The following NCKAP5 variants were observed in gnomAD, a reference collection of about 807,000 sequenced individuals.
NCKAP5 encodes the protein NCK associated protein 5.
A neutral mutation model predicts 167.0 loss-of-function variants in NCKAP5; 92 were observed. The ratio of observed to expected loss-of-function variants is 0.55; its 90% CI spans 0.47 to 0.66. The LOEUF is 0.66. NCKAP5 is among the 30% of genes least tolerant of loss of function. The pLI, the probability that NCKAP5 is intolerant of heterozygous loss-of-function variation, is 0.00. For synonymous variants in NCKAP5, 891 were observed against 877.4 expected (o/e 1.02, Z -0.27); for missense variants, 2,378 against 2,315.0 (o/e 1.03, Z -0.56).
At chr2:133,518,312 C>T (rs1380950941) in intron 2 of NCKAP5, among the ~76,000 whole-genome samples, 1 of 127,104 alleles carries the variant, frequency 7.9e-6, no homozygotes, top group Non-Finnish European at 1.7e-5. Flanking sequence ...ATGTAAAAGG[C>T]TTGAAATAAA....
At chr2:133,265,646 C>T (rs1390767291) in intron 4 of NCKAP5, among the ~76,000 whole-genome samples, 1 of 151,896 alleles carries the variant, frequency 6.6e-6, no homozygotes, top group African/African-American at 2.4e-5. Flanking sequence ...GCCGCCTGGG[C>T]AAGTGGCCTG....
At chr2:132,766,144 G>T (rs1681459083) in intron 16 of NCKAP5, among the ~76,000 whole-genome samples, 1 of 151,934 alleles carries the variant, frequency 6.6e-6, no homozygotes, top group African/African-American at 2.4e-5. Context: ...GCTGGGCATG[G>T]TGGTGCGTGT....
chr2:133,487,589 T>G lies in NCKAP5; in HGVS notation c.69+29869A>C, dbSNP rs139814285. On this transcript the variant is annotated intron_variant, in intron 3 of 19. Coordinates refer to ENST00000409261, the MANE Select transcript of NCKAP5 (RefSeq NM_207363.3). Reference sequence around the variant, plus strand: ...GTATGAAAGTATAGAATGTGGTTATTAGGCAGGGGGGAGTTGGGAGAAACA... The same window carrying G: ...GTATGAAAGTATAGAATGTGGTTATGAGGCAGGGGGGAGTTGGGAGAAACA... Among the ~76,000 whole-genome samples, 779 of 152,242 alleles carry G rather than the reference T, an allele frequency of 5.1e-3. 7 individuals carry two copies. Among genetic ancestry groups the G allele is most frequent in the African/African-American group, 0.018 (736 of 41,544 alleles).
intron 6 of NCKAP5, among the ~76,000 whole-genome samples, chr2:133,108,521 GAACCCTGTTAGCC>G (rs1418910206): frequency 6.6e-6 from 1 of 152,170 alleles, no homozygotes; most frequent in African/African-American, 2.4e-5. Context: ...CTATTATAAT[GAACCCTGTTAGCC>G]TTTCCTTACA....
At chr2:133,537,387 G>C (rs1031219718) in intron 2 of NCKAP5, among the ~76,000 whole-genome samples, 1 of 152,048 alleles carries the variant, frequency 6.6e-6, no homozygotes, top group Non-Finnish European at 1.5e-5. Flanking sequence ...GATCAATCTG[G>C]GGAGTAGTGC....
chr2:132,869,385 A>G (rs1271150180), intron 9 of NCKAP5, among the ~76,000 whole-genome samples: 1 of 152,102 alleles, frequency 6.6e-6, no homozygotes, highest in African/African-American at 2.4e-5. Context: ...TTTGCTGTCT[A>G]TTTCACTGCT....
chr2:132,823,391 A>C (rs1686902335), intron 11 of NCKAP5, among the ~76,000 whole-genome samples: 2 of 152,196 alleles, frequency 1.3e-5, no homozygotes, highest in South Asian at 4.1e-4. Context: ...ATTGGGGTCC[A>C]ATCTTCAGCC....
At chr2:132,725,528 T>G (rs1313811420) in intron 19 of NCKAP5, 99 bp downstream of exon 19, 1 of 1,394,030 alleles carries the variant, frequency 7.2e-7, no homozygotes, top group Non-Finnish European at 9.5e-7. Context: ...AGAAAAAACA[T>G]AAAATCAAAG....
intron 8 of NCKAP5, among the ~76,000 whole-genome samples, chr2:132,922,115 T>C (rs1695481127): frequency 1.3e-5 from 2 of 152,216 alleles, no homozygotes; most frequent in South Asian, 2.1e-4. Flanking sequence ...AACGCAGCTA[T>C]GCAGGGAGCT....
chr2:132,944,519 G>T (rs1434838504), intron 8 of NCKAP5, among the ~76,000 whole-genome samples: 2 of 152,148 alleles, frequency 1.3e-5, no homozygotes, highest in South Asian at 4.1e-4. Flanking sequence ...AAGAGCTTGA[G>T]TAACTTGTCC....
chr2:133,673,772 A>G, the NCKAP5 span, among the ~76,000 whole-genome samples: 1 of 152,242 alleles, frequency 6.6e-6, no homozygotes, highest in African/African-American at 2.4e-5. Context: ...TTAAAGATTA[A>G]TAAAGCACAT....
chr2:133,457,440 C>T (rs1017952667), intron 3 of NCKAP5, among the ~76,000 whole-genome samples: 1 of 152,084 alleles, frequency 6.6e-6, no homozygotes, highest in African/African-American at 2.4e-5. Context: ...CACACCTACA[C>T]CATTTCTAAG....
intron 6 of NCKAP5, among the ~76,000 whole-genome samples, chr2:133,092,943 A>G (rs1247195931): frequency 1.3e-5 from 2 of 152,242 alleles, no homozygotes; most frequent in Non-Finnish European, 2.9e-5. Flanking sequence ...AGTACTACAC[A>G]GAACAGCTCA....
chr2:132,954,276 T>C lies in NCKAP5; in HGVS notation c.579+9444A>G, dbSNP rs61422804. On this transcript the variant is annotated intron_variant, in intron 8 of 19. Coordinates refer to ENST00000409261, the MANE Select transcript of NCKAP5 (RefSeq NM_207363.3). ...CAGCAGCCCACGGACCCTCTCAATATTGTATCCTATACTGAGTGACAATGG... is the reference window on the plus strand; with the variant it reads ...CAGCAGCCCACGGACCCTCTCAATACTGTATCCTATACTGAGTGACAATGG... 1.1e-3 allele frequency among the ~76,000 whole-genome samples: 170 copies of C among 152,294 alleles called. 1 individual carries two copies. Among genetic ancestry groups the C allele is most frequent in the African/African-American group, 3.9e-3 (163 of 41,558 alleles).
At chr2:133,178,087 T>A (rs1335055164) in intron 5 of NCKAP5, among the ~76,000 whole-genome samples, 1 of 152,164 alleles carries the variant, frequency 6.6e-6, no homozygotes, top group Non-Finnish European at 1.5e-5. Context: ...CCCTTTGGTA[T>A]CAATGGAGGC....
At chr2:133,455,756 TA>T (rs1182074427) in intron 3 of NCKAP5, among the ~76,000 whole-genome samples, 5 of 152,156 alleles carry the variant, frequency 3.3e-5, no homozygotes, top group African/African-American at 1.2e-4. Context: ...AAAACAAACT[TA>T]TTTTTTTATA....
intron 3 of NCKAP5, among the ~76,000 whole-genome samples, chr2:133,453,906 G>GC (rs560942724): frequency 1.1e-4 from 17 of 151,896 alleles, no homozygotes; most frequent in Admixed American, 4.6e-4. Flanking sequence ...CCAGTTTTGA[G>GC]CCCCCCCACC....
At chr2:133,602,030 C>G in the NCKAP5 span, among the ~76,000 whole-genome samples, 531 of 152,300 alleles carry the variant, frequency 3.5e-3, 4 homozygotes, top group African/African-American at 0.012. Context: ...AATGTGTCTG[C>G]TCCTTGGAGA....
chr2:132,695,657 A>T (rs1687233614), intron 19 of NCKAP5, among the ~76,000 whole-genome samples: 1 of 152,192 alleles, frequency 6.6e-6, no homozygotes, highest in African/African-American at 2.4e-5. Context: ...AATCCAAAAT[A>T]GGAAGCGTTG....
Sources: allele counts gnomAD v4.1 joint callset (sites outside exome capture counted in the v4.1 genomes callset), GRCh38; gene constraint gnomAD v4.1.1; transcripts MANE v1.5; gene names NCBI Gene and HGNC (gene_info 2026-07-23, HGNC 2026-07-21).